The following AGT variants were observed in gnomAD, a reference collection of about 807,000 sequenced individuals.
AGT encodes the protein alpha-1 antiproteinase, antitrypsin.
AGT carries 26 observed loss-of-function variants against 28.1 expected under a neutral mutation model. The ratio of observed to expected loss-of-function variants is 0.92; its 90% CI spans 0.68 to 1.28. The LOEUF (loss-of-function observed/expected upper bound fraction) is 1.28, where lower values mean the gene tolerates loss of function less well. Ranked by LOEUF, AGT falls within the 50% of genes most tolerant of loss-of-function variation. AGT has a pLI of 0.00. For missense variants in AGT, 596 were observed against 592.3 expected, an observed-to-expected ratio of 1.01 and a Z score of -0.06; for synonymous variants, 259 against 259.6, an observed-to-expected ratio of 1.00 and a Z score of 0.02.
chr1:230,723,604 G>A (rs540967662), intron 1 of AGT, among the ~76,000 whole-genome samples: 1 of 152,294 alleles, frequency 6.6e-6, no homozygotes, highest in South Asian at 2.1e-4. Context: ...TCTAAGCCAT[G>A]ACTGAATACC....
chr1:230,741,432 C>G (rs929542913), intron 1 of AGT, among the ~76,000 whole-genome samples: 6 of 152,240 alleles, frequency 3.9e-5, no homozygotes, highest in Non-Finnish European at 4.4e-5. Context: ...ACAGCTGAGG[C>G]CAAAGACTGG....
At chr1:230,712,432 C>T (rs935324699) in intron 1 of AGT, among the ~76,000 whole-genome samples, 3 of 152,144 alleles carry the variant, frequency 2.0e-5, no homozygotes, top group African/African-American at 4.8e-5. Flanking sequence ...TGACTCCATC[C>T]GCTGTTCTCA....
At chr1:230,742,705 T>A (rs1485430556) in intron 1 of AGT, among the ~76,000 whole-genome samples, 2 of 152,238 alleles carry the variant, frequency 1.3e-5, no homozygotes, top group Non-Finnish European at 2.9e-5. Flanking sequence ...GGCTGTACAC[T>A]GTTCCACTTC....
chr1:230,725,212 C>G (rs1663918284), intron 1 of AGT, among the ~76,000 whole-genome samples: 1 of 152,090 alleles, frequency 6.6e-6, no homozygotes, highest in Non-Finnish European at 1.5e-5. Context: ...GATGAAAATT[C>G]ATCAGCAGCC....
chr1:230,705,795 G>T, intron 3 of AGT, 138 bp downstream of exon 3: 1 of 1,110,470 alleles, frequency 9.0e-7, no homozygotes, highest in Non-Finnish European at 1.3e-6. Flanking sequence ...CAGGCCGCCT[G>T]CCCAGCCCCG....
intron 1 of AGT, among the ~76,000 whole-genome samples, chr1:230,729,699 A>G (rs1416980013): frequency 2.0e-5 from 3 of 152,194 alleles, no homozygotes; most frequent in Non-Finnish European, 4.4e-5. Context: ...AAAGCCCATT[A>G]GCTAATACAG....
intron 1 of AGT, among the ~76,000 whole-genome samples, chr1:230,724,214 A>G (rs1281937547): frequency 2.0e-5 from 3 of 152,202 alleles, no homozygotes; most frequent in African/African-American, 7.2e-5. Flanking sequence ...TGAAATATTT[A>G]TTACATGGCC....
At chr1:230,719,475 T>G (rs1663804266), upstream of AGT, among the ~76,000 whole-genome samples, 2 of 148,856 alleles carry the variant, frequency 1.3e-5, no homozygotes, top group African/African-American at 2.5e-5. Flanking sequence ...TGGCGGGATC[T>G]CGGCTCACTG....
chr1:230,735,486 G>T (rs1664139599), intron 1 of AGT, among the ~76,000 whole-genome samples: 1 of 152,102 alleles, frequency 6.6e-6, no homozygotes, highest in Non-Finnish European at 1.5e-5. Flanking sequence ...ACTCAATACA[G>T]AAGTAGGTAA....
chr1:230,725,270 T>C (rs1431355725), intron 1 of AGT, among the ~76,000 whole-genome samples: 2 of 152,204 alleles, frequency 1.3e-5, no homozygotes, highest in East Asian at 3.8e-4. Context: ...AATTATCCAA[T>C]GTCCTCAGTT....
chr1:230,739,213 T>TTA (rs1664200939), intron 1 of AGT, among the ~76,000 whole-genome samples: 2 of 150,354 alleles, frequency 1.3e-5, no homozygotes, highest in African/African-American at 4.9e-5. Flanking sequence ...TTTTTTTTTT[T>TTA]AATTAGCTGG....
intron 3 of AGT, among the ~76,000 whole-genome samples, chr1:230,704,627 G>C (rs1663331439): frequency 1.3e-5 from 2 of 152,356 alleles, no homozygotes; most frequent in Non-Finnish European, 1.5e-5. Context: ...TGCATTGAAG[G>C]TGTGTTACTT....
Position 230,743,736 on chromosome 1 carries a change from G to A in AGT, c.-31+1779C>T, listed in dbSNP as rs548874112. Among the ~76,000 whole-genome samples the A allele has an allele frequency of 1.3e-3, 203 of 152,328 alleles. 1 individual carries two copies. Among genetic ancestry groups the A allele is most frequent in the Non-Finnish European group, 2.6e-3 (174 of 68,024 alleles). ...GCCTGGACCGGGTGGGGTCCTAGAGGTCATCTCCCTGCACCCATGTGAAGC... is the reference window on the plus strand; with the variant it reads ...GCCTGGACCGGGTGGGGTCCTAGAGATCATCTCCCTGCACCCATGTGAAGC... On this transcript the variant is annotated intron_variant, in intron 1 of 4. Transcript: ENST00000681269.
Position 230,710,500 on chromosome 1 carries a change from T to C in AGT, c.324A>G (p.Ile108Met). ...CCCATAGCTCACTGTGCATGCCATA[T>C]ATACGGAAGCCCAAGAAGTTGGCCA... Reference protein sequence around the residue: ...GMLANFLGFRIYGMHSELWGV... With the variant: ...GMLANFLGFRMYGMHSELWGV... Residue 108 changes from isoleucine (I) to methionine (M), a missense_variant, in exon 2 of 5, where the codon ATA becomes ATG. By Grantham distance (10) the Ile-to-Met change is conservative. Coordinates refer to ENST00000366667, the MANE Select transcript of AGT (RefSeq NM_001384479.1). 3.1e-6 allele frequency: 5 copies of C among 1,614,174 alleles called. No individual in the cohort carries two copies. In the South Asian group the frequency reaches 5.5e-5, roughly 18 times the overall value.
intron 4 of AGT, 152 bp downstream of exon 4, chr1:230,704,041 T>C: frequency 8.5e-7 from 1 of 1,173,630 alleles, no homozygotes; most frequent in Non-Finnish European, 1.2e-6. Flanking sequence ...CAGAATGCTC[T>C]GGCTACTTCT....
At chr1:230,740,044 G>A (rs1369351457) in intron 1 of AGT, among the ~76,000 whole-genome samples, 1 of 152,178 alleles carries the variant, frequency 6.6e-6, no homozygotes, top group South Asian at 2.1e-4. Flanking sequence ...CTAAACAAAG[G>A]GTGGATTATT....
At chr1:230,731,728 A>G (rs2478519) in intron 1 of AGT, among the ~76,000 whole-genome samples, 55,769 of 151,972 alleles carry the variant, frequency 0.37, 11,814 homozygotes, top group East Asian at 0.67. Context: ...TTAGCCAGGC[A>G]TGGTGGCACA....
chr1:230,703,785 G>A (rs1200208624), intron 4 of AGT, among the ~76,000 whole-genome samples: 1 of 152,246 alleles, frequency 6.6e-6, no homozygotes, highest in Non-Finnish European at 1.5e-5. Context: ...AGCTGCAGAT[G>A]TGCATGGTGC....
At chr1:230,731,604 G>A (rs190336068) in intron 1 of AGT, among the ~76,000 whole-genome samples, 41 of 152,298 alleles carry the variant, frequency 2.7e-4, no homozygotes, top group Admixed American at 2.0e-3. Flanking sequence ...GATGGCTCAC[G>A]TCTGTAATCC....
Sources: allele counts gnomAD v4.1 joint callset (sites outside exome capture counted in the v4.1 genomes callset), GRCh38; gene constraint gnomAD v4.1.1; transcripts MANE v1.5; gene names NCBI Gene and HGNC (gene_info 2026-07-23, HGNC 2026-07-21).